The following FCHSD2 variants were observed in gnomAD, a reference collection of about 807,000 sequenced individuals.
The protein encoded by FCHSD2 is F-BAR and double SH3 domains protein 2.
Under a neutral mutation model 108.1 loss-of-function variants are expected in FCHSD2, and 38 were observed. The observed-to-expected ratio is 0.35, with a 90% CI of 0.27 to 0.46. The LOEUF (loss-of-function observed/expected upper bound fraction) is 0.46, where lower values mean the gene tolerates loss of function less well. Among genes scored for constraint, FCHSD2 ranks in the 20% least tolerant of loss-of-function variants. The probability of loss-of-function intolerance (pLI) is 1.00; values close to 1 mark genes in which losing one functional copy is unlikely to be tolerated. For missense variants in FCHSD2, 751 were observed against 897.8 expected, an observed-to-expected ratio of 0.84 and a Z score of 2.09; for synonymous variants, 279 against 314.7, an observed-to-expected ratio of 0.89 and a Z score of 1.20.
intron 9 of FCHSD2, among the ~76,000 whole-genome samples, chr11:72,920,567 T>C (rs1193357047): frequency 2.0e-5 from 3 of 152,076 alleles, no homozygotes; most frequent in African/African-American, 4.8e-5. Flanking sequence ...TGTTGAAACC[T>C]TGTCTCTACT....
At chr11:72,896,159 G>A (rs968558836) in intron 10 of FCHSD2, among the ~76,000 whole-genome samples, 1 of 152,110 alleles carries the variant, frequency 6.6e-6, no homozygotes, top group African/African-American at 2.4e-5. Context: ...TTAAATATCA[G>A]AAATAGCATC....
chr11:72,902,541 A>G lies in FCHSD2; in HGVS notation c.924+2T>C. 3.8e-6 allele frequency: 6 copies of G among 1,558,636 alleles called. No homozygotes were observed. Among genetic ancestry groups the G allele is most frequent in the Non-Finnish European group, 4.4e-6 (5 of 1,145,222 alleles). The stretch of plus-strand genomic sequence containing the variant: ...TGAAATGAAAATCTATAATTCCCTT[A>G]CAGTATCACTGTCACAAGGCTGGAA... On this transcript the variant is annotated splice_donor_variant, in intron 10 of 19. Transcript: ENST00000409418. LOFTEE classifies it high-confidence loss of function.
intron 13 of FCHSD2, among the ~76,000 whole-genome samples, chr11:72,865,511 C>G (rs1404617976): frequency 1.3e-5 from 2 of 152,156 alleles, no homozygotes; most frequent in African/African-American, 4.8e-5. Context: ...TTTCTCTGGA[C>G]AGGTCTCAAA....
At chr11:72,993,509 C>T (rs993176072) in intron 5 of FCHSD2, among the ~76,000 whole-genome samples, 9 of 152,114 alleles carry the variant, frequency 5.9e-5, no homozygotes, top group Non-Finnish European at 8.8e-5. Context: ...GGAACCAACC[C>T]AAATGTCCAA....
rs77971648 is a variant in FCHSD2, at chr11:72,929,435, T to C, written c.706-7485A>G. 3.8e-3 allele frequency among the ~76,000 whole-genome samples: 573 copies of C among 152,336 alleles called. 36 individuals carry two copies. In the East Asian group the frequency reaches 0.1, roughly 27 times the overall value. On this transcript the variant is annotated intron_variant, in intron 8 of 19. Transcript: ENST00000409418. ...TGAACTCATTTTCTGGTGGGTAAGA[T>C]AGCTGGAGGCCTTCTGGCCTGGGTG... is the stretch of plus-strand genomic sequence containing the variant.
At chr11:73,095,020 T>C (rs959866738) in intron 2 of FCHSD2, among the ~76,000 whole-genome samples, 10 of 152,182 alleles carry the variant, frequency 6.6e-5, no homozygotes, top group Non-Finnish European at 8.8e-5. Context: ...GCAATGAGAA[T>C]ATAAAGATGA....
chr11:73,115,493 C>G (rs1860582296), intron 2 of FCHSD2, among the ~76,000 whole-genome samples: 1 of 152,180 alleles, frequency 6.6e-6, no homozygotes, highest in Non-Finnish European at 1.5e-5. Flanking sequence ...TCTTATATAT[C>G]TTTTCCAACT....
chr11:72,858,575 T>C (rs1269071451), intron 13 of FCHSD2, among the ~76,000 whole-genome samples: 1 of 152,064 alleles, frequency 6.6e-6, no homozygotes, highest in Non-Finnish European at 1.5e-5. Flanking sequence ...GATTAGAACA[T>C]GGACACATAG....
chr11:72,859,297 C>A (rs1861510472), intron 13 of FCHSD2, among the ~76,000 whole-genome samples: 2 of 152,134 alleles, frequency 1.3e-5, no homozygotes, highest in African/African-American at 2.4e-5. Flanking sequence ...ATGTGAATCA[C>A]CCCTTTGTCG....
chr11:73,003,196 G>A (rs1258486045), intron 4 of FCHSD2, among the ~76,000 whole-genome samples: 1 of 152,178 alleles, frequency 6.6e-6, no homozygotes, highest in Non-Finnish European at 1.5e-5. Flanking sequence ...TCAAGTTCTA[G>A]TTTTAACAAA....
intron 2 of FCHSD2, among the ~76,000 whole-genome samples, chr11:73,103,409 T>C (rs1860268630): frequency 6.6e-6 from 1 of 152,216 alleles, no homozygotes; most frequent in African/African-American, 2.4e-5. Context: ...CTTCCATTTT[T>C]ATAAGATTTA....
chr11:72,962,475 G>T (rs931097695), intron 8 of FCHSD2, among the ~76,000 whole-genome samples: 3 of 152,148 alleles, frequency 2.0e-5, no homozygotes, highest in African/African-American at 7.2e-5. Context: ...AGAACCTCTG[G>T]TATAAGCGAT....
Position 72,867,966 on chromosome 11 carries a change from C to T in FCHSD2, c.1207G>A (p.Asp403Asn). Residue 403 changes from aspartate to asparagine, a missense_variant, in exon 13 of 20, where the codon GAC (aspartate) becomes AAC (asparagine). Physicochemically the swap from Asp to Asn is conservative, Grantham distance 23 (BLOSUM62 1). Transcript: ENST00000409418. ...DLLKQIGVSV[D>N]TWLKSAMNQV... ...TTCATGGCACTCTTTAGCCATGTGT[C>T]CACAGAAACACCAATCTGCTTTAGC... is the stretch of plus-strand genomic sequence containing the variant. The T allele has an allele frequency of 6.3e-7, 1 of 1,590,838 alleles. No homozygotes were observed. Among genetic ancestry groups the T allele is most frequent in the East Asian group, 2.2e-5 (1 of 44,654 alleles).
intron 8 of FCHSD2, among the ~76,000 whole-genome samples, chr11:72,973,951 C>A (rs1007958236): frequency 6.6e-6 from 1 of 151,692 alleles, no homozygotes; most frequent in African/African-American, 2.4e-5. Context: ...TGTTCTTTAA[C>A]AAGATATAAG....
intron 2 of FCHSD2, among the ~76,000 whole-genome samples, chr11:73,105,291 T>C (rs1860316693): frequency 6.6e-6 from 1 of 152,140 alleles, no homozygotes; most frequent in South Asian, 2.1e-4. Flanking sequence ...AAGCCAAAGA[T>C]AAAGAGAATA....
chr11:72,986,024 G>A (rs1288121822), intron 6 of FCHSD2, among the ~76,000 whole-genome samples: 2 of 152,176 alleles, frequency 1.3e-5, no homozygotes, highest in South Asian at 2.1e-4. Context: ...GGATGATGGA[G>A]CAGTTAGTCT....
At chr11:72,897,374 TTTTC>T (rs528414941) in intron 10 of FCHSD2, among the ~76,000 whole-genome samples, 28 of 152,114 alleles carry the variant, frequency 1.8e-4, no homozygotes, top group African/African-American at 4.8e-4. Flanking sequence ...TACAGACTTT[TTTTC>T]TTTGTCTTAT....
chr11:72,842,539 C>T, intron 17 of FCHSD2, 82 bp downstream of exon 17: 4 of 1,554,610 alleles, frequency 2.6e-6, no homozygotes, highest in Non-Finnish European at 3.5e-6. Flanking sequence ...GACTGCAGCC[C>T]ACTTTTGTGT....
intron 8 of FCHSD2, chr11:72,983,675 C>T (rs958091006): frequency 2.2e-5 from 5 of 225,744 alleles, no homozygotes; most frequent in East Asian, 1.2e-4. Context: ...TGTCTTTCTC[C>T]GATGATTCAG....
Sources: allele counts gnomAD v4.1 joint callset (sites outside exome capture counted in the v4.1 genomes callset), GRCh38; gene constraint gnomAD v4.1.1; transcripts MANE v1.5; gene names NCBI Gene and HGNC (gene_info 2026-07-23, HGNC 2026-07-21).